Variants in TBC1D22A observed in about 807,000 individuals in gnomAD.
TBC1D22A encodes the protein TBC1 domain family member 22A.
In TBC1D22A, 38 loss-of-function variants were observed where a neutral mutation model predicts 60.2. The observed-to-expected ratio is 0.63, with a 90% CI of 0.49 to 0.83. The LOEUF (loss-of-function observed/expected upper bound fraction) is 0.83. Ranked by LOEUF, TBC1D22A falls within the 40% of genes least tolerant of loss-of-function variation. TBC1D22A has a pLI of 0.00. For synonymous variants in TBC1D22A, 302 were observed against 281.7 expected (o/e 1.07, Z -0.72); for missense variants, 628 against 701.0 (o/e 0.90, Z 1.18).
At chr22:47,070,539 G>A (rs1366702595) in intron 11 of TBC1D22A, among the ~76,000 whole-genome samples, 3 of 150,442 alleles carry the variant, frequency 2.0e-5, no homozygotes, top group Non-Finnish European at 4.4e-5. Context: ...GTTCCAGGCT[G>A]TTCCCTGTTG....
chr22:46,781,145 T>G (rs1304596720), intron 1 of TBC1D22A, among the ~76,000 whole-genome samples: 8 of 150,268 alleles, frequency 5.3e-5, no homozygotes, highest in African/African-American at 1.7e-4. Context: ...ATTTTGTTTT[T>G]TTTTTTTTTT....
chr22:46,937,976 A>C (rs1404446617), intron 8 of TBC1D22A, among the ~76,000 whole-genome samples: 1 of 152,250 alleles, frequency 6.6e-6, no homozygotes, highest in Non-Finnish European at 1.5e-5. Context: ...TCAAGTTAAA[A>C]AGTTAATAAA....
At chr22:46,839,365 TG>T (rs2086655169) in intron 4 of TBC1D22A, among the ~76,000 whole-genome samples, 1 of 151,500 alleles carries the variant, frequency 6.6e-6, no homozygotes, top group Non-Finnish European at 1.5e-5. Flanking sequence ...TGGAGTGCAG[TG>T]GCGTGATCTC....
In TBC1D22A at chr22:46,797,481, GTC is replaced by G; in HGVS notation, c.503_504del (p.Leu168ProfsTer13). The G allele has an allele frequency of 6.2e-7, 1 of 1,613,510 alleles. No individual in the cohort carries two copies. The highest frequency in any genetic ancestry group is 8.5e-7 in the Non-Finnish European group (1 of 1,179,978). On this transcript the variant is annotated frameshift_variant, in exon 4 of 13. Coordinates refer to ENST00000337137, the MANE Select transcript of TBC1D22A (RefSeq NM_014346.5). LOFTEE classifies it high-confidence loss of function. ...ATGCCGCCCCTCTGCAGAGGTCCCAGTCTCTCCCACACTCGGCCACCGTCACG... is the reference window on the plus strand; with the variant it reads ...ATGCCGCCCCTCTGCAGAGGTCCCAGTCTCCCACACTCGGCCACCGTCACG... ...SDAAPLQRSQSLPHSATVTLG... is the reference protein window; with the variant it reads ...SDAAPLQRSQXLPHSATVTLG...
chr22:46,797,299 T>C (rs2146932041), intron 3 of TBC1D22A, 145 bp from the exon 4 acceptor site: 1 of 816,260 alleles, frequency 1.2e-6, no homozygotes, highest in Non-Finnish European at 2.0e-6. Flanking sequence ...TTCCATGTTA[T>C]TGCTCAAGAA....
At chr22:47,158,437 C>T (rs528483494) in intron 12 of TBC1D22A, among the ~76,000 whole-genome samples, 16 of 152,266 alleles carry the variant, frequency 1.1e-4, no homozygotes, top group South Asian at 6.2e-4. Flanking sequence ...GCACTGAGGG[C>T]GGAGAGAGGC....
intron 7 of TBC1D22A, among the ~76,000 whole-genome samples, chr22:46,897,650 G>GTTTTTTTTTTTTTTT (rs1569189591): frequency 1.1e-5 from 1 of 92,618 alleles, no homozygotes; most frequent in African/African-American, 4.7e-5. Flanking sequence ...GTTTTTTTTT[G>GTTTTTTTTTTTTTTT]TGTTTTTTTT....
intron 5 of TBC1D22A, among the ~76,000 whole-genome samples, chr22:46,888,581 A>G (rs1488938840): frequency 6.6e-6 from 1 of 152,188 alleles, no homozygotes; most frequent in Non-Finnish European, 1.5e-5. Flanking sequence ...ACCTCGTGGG[A>G]GAAGTGACTA....
chr22:46,903,953 T>C (rs767122264), intron 7 of TBC1D22A, among the ~76,000 whole-genome samples: 9 of 152,028 alleles, frequency 5.9e-5, no homozygotes, highest in Non-Finnish European at 1.0e-4. Context: ...TCAAGGGAGG[T>C]GGCATGCTTA....
chr22:46,951,595 G>A (rs1025553770), intron 8 of TBC1D22A, among the ~76,000 whole-genome samples: 4 of 152,168 alleles, frequency 2.6e-5, no homozygotes, highest in South Asian at 2.1e-4. Flanking sequence ...TGGAGCCCTC[G>A]GAGCTTGACT....
chr22:47,039,761 A>G (rs2062776924), intron 11 of TBC1D22A, among the ~76,000 whole-genome samples: 1 of 150,888 alleles, frequency 6.6e-6, no homozygotes. Context: ...TGTAAAGAAA[A>G]GAGGTTTAAT....
rs575199977 is a variant in TBC1D22A, at chr22:47,093,715, G to T, written c.1330-17793G>T. 2.6e-5 allele frequency among the ~76,000 whole-genome samples: 4 copies of T among 152,330 alleles called. No individual in the cohort carries two copies. The East Asian group carries it at 7.7e-4, about 29-fold the overall frequency. ...ATCACTGAGCACATCATTGATGACA[G>T]ATGCAGTCATCACTGTAATGGTTAA... On this transcript the variant is annotated intron_variant, in intron 11 of 12. Transcript: ENST00000337137.
At chr22:46,904,669 T>A (rs1198852614) in intron 7 of TBC1D22A, among the ~76,000 whole-genome samples, 1 of 150,540 alleles carries the variant, frequency 6.6e-6, no homozygotes, top group Admixed American at 6.6e-5. Flanking sequence ...GGTTTCTCCA[T>A]GTTGGTCAGG....
At chr22:46,768,349 G>T (rs928261577) in intron 1 of TBC1D22A, among the ~76,000 whole-genome samples, 1 of 152,034 alleles carries the variant, frequency 6.6e-6, no homozygotes, top group Admixed American at 6.6e-5. Context: ...GCCAGGCGTG[G>T]TGGCAGGCGC....
intron 6 of TBC1D22A, among the ~76,000 whole-genome samples, chr22:46,894,363 G>T (rs6007988): frequency 0.014 from 2,110 of 152,360 alleles, 65 homozygotes; most frequent in African/African-American, 0.048. Context: ...ACTTCATAAA[G>T]TGGAGAAAAA....
At chr22:47,157,430 G>A (rs2067767976) in intron 12 of TBC1D22A, among the ~76,000 whole-genome samples, 3 of 152,232 alleles carry the variant, frequency 2.0e-5, no homozygotes, top group Admixed American at 6.5e-5. Flanking sequence ...TGTTTGTGGT[G>A]TGTGCACGTG....
chr22:47,030,003 T>C (rs2062414918), intron 10 of TBC1D22A, among the ~76,000 whole-genome samples: 1 of 152,238 alleles, frequency 6.6e-6, no homozygotes, highest in Non-Finnish European at 1.5e-5. Context: ...GTTGGGGACC[T>C]GGCTTTTCTA....
At chr22:47,171,051 C>T (rs2068429013) in intron 12 of TBC1D22A, among the ~76,000 whole-genome samples, 1 of 152,160 alleles carries the variant, frequency 6.6e-6, no homozygotes, top group South Asian at 2.1e-4. Context: ...GTCATCTGTC[C>T]AGGCTCTGTG....
At chr22:46,776,753 C>A (rs1477827228) in intron 1 of TBC1D22A, among the ~76,000 whole-genome samples, 1 of 151,954 alleles carries the variant, frequency 6.6e-6, no homozygotes, top group Non-Finnish European at 1.5e-5. Flanking sequence ...AGTAGATATT[C>A]AAAACGGACC....
Sources: allele counts gnomAD v4.1 joint callset (sites outside exome capture counted in the v4.1 genomes callset), GRCh38; gene constraint gnomAD v4.1.1; transcripts MANE v1.5; gene names NCBI Gene and HGNC (gene_info 2026-07-23, HGNC 2026-07-21).